CORIN: variants seen among roughly 807,000 people sequenced by gnomAD.
The protein encoded by CORIN is corin, serine peptidase, also known as atrial natriuretic peptide-converting enzyme.
In CORIN, 117 loss-of-function variants were observed where a neutral mutation model predicts 125.3. That is an observed-to-expected ratio of 0.93 (90% CI 0.80 to 1.09). The LOEUF (loss-of-function observed/expected upper bound fraction) is 1.09. Ranked by LOEUF, CORIN falls within the 50% of genes least tolerant of loss-of-function variation. CORIN has a pLI of 0.00. For missense variants in CORIN, 1,253 were observed against 1,306.7 expected (o/e 0.96, Z 0.63); for synonymous variants, 450 against 466.4 (o/e 0.96, Z 0.45).
intron 12 of CORIN, among the ~76,000 whole-genome samples, chr4:47,660,933 C>A (rs1214319465): frequency 6.6e-6 from 1 of 152,126 alleles, no homozygotes; most frequent in African/African-American, 2.4e-5. Context: ...ACCTAAGTGT[C>A]CATCAAAAGA....
At chr4:47,634,036 C>T (rs1046621674) in intron 16 of CORIN, among the ~76,000 whole-genome samples, 1 of 152,048 alleles carries the variant, frequency 6.6e-6, no homozygotes, top group East Asian at 1.9e-4. Context: ...AAAAAATCGG[C>T]ATTTTAAAAA....
intron 1 of CORIN, among the ~76,000 whole-genome samples, chr4:47,820,824 AT>A (rs1732477174): frequency 6.6e-6 from 1 of 152,156 alleles, no homozygotes; most frequent in African/African-American, 2.4e-5. Context: ...AATAGAGTCA[AT>A]TGTTACACAA....
chr4:47,697,185 T>A (rs151177534), intron 5 of CORIN, among the ~76,000 whole-genome samples: 1 of 152,172 alleles, frequency 6.6e-6, no homozygotes, highest in African/African-American at 2.4e-5. Context: ...GATACAAGAA[T>A]ACTTCTTGGG....
At chr4:47,621,983 A>G (rs13114208) in intron 19 of CORIN, among the ~76,000 whole-genome samples, 31,324 of 130,294 alleles carry the variant, frequency 0.24, 3,911 homozygotes, top group Admixed American at 0.31. Context: ...ATATCTCCCA[A>G]TGCTATCCCT....
chr4:47,803,837 A>G (rs898288214), intron 2 of CORIN, among the ~76,000 whole-genome samples: 1 of 152,244 alleles, frequency 6.6e-6, no homozygotes, highest in Non-Finnish European at 1.5e-5. Flanking sequence ...AGGCAACCAA[A>G]GCAAAAATGA....
chr4:47,806,808 C>G lies in CORIN; in HGVS notation c.208+95G>C, dbSNP rs1731814148. The G allele has an allele frequency of 3.8e-6, 5 of 1,309,774 alleles. No individual in the cohort carries two copies. In the African/African-American group the frequency reaches 4.5e-5, roughly 12 times the overall value. 81.1% of individuals were successfully genotyped at this position (1,309,774 alleles called of 1,614,324 possible). On this transcript the variant is annotated intron_variant, in intron 2 of 21. Coordinates refer to ENST00000273857, the MANE Select transcript of CORIN (RefSeq NM_006587.4). ...AAGATAATCCTCTCATTGACTGACA[C>G]TTTGGGTTAAATAAGTACTAAGTAG...
rs558355142 is a variant in CORIN at position 47,787,366 on chromosome 4, T to C, written c.209-441A>G. 5.3e-5 allele frequency among the ~76,000 whole-genome samples: 8 copies of C among 152,328 alleles called. No homozygotes were observed. In the South Asian group the frequency reaches 1.7e-3, roughly 32 times the overall value. On this transcript the variant is annotated intron_variant, in intron 2 of 21. Coordinates refer to ENST00000273857, the MANE Select transcript of CORIN (RefSeq NM_006587.4). ...ACCCAGGACATGTGCTCTACCTCTC[T>C]CTGTATCTGTCATCAAAGGACACAA...
intron 19 of CORIN, among the ~76,000 whole-genome samples, chr4:47,609,865 C>T (rs1348985165): frequency 1.3e-5 from 2 of 152,220 alleles, no homozygotes; most frequent in Non-Finnish European, 2.9e-5. Flanking sequence ...ATTTGATTTT[C>T]TGTTCCTGTG....
intron 4 of CORIN, among the ~76,000 whole-genome samples, chr4:47,758,808 A>G (rs910341267): frequency 6.6e-6 from 1 of 152,224 alleles, no homozygotes; most frequent in Non-Finnish European, 1.5e-5. Context: ...TCCTGCCATC[A>G]TGTGAAGAAG....
At chr4:47,702,669 T>C (rs1726357833) in intron 5 of CORIN, among the ~76,000 whole-genome samples, 2 of 152,176 alleles carry the variant, frequency 1.3e-5, no homozygotes, top group Admixed American at 1.3e-4. Context: ...ATTTAAAAGC[T>C]AAAATAAATT....
intron 5 of CORIN, among the ~76,000 whole-genome samples, chr4:47,699,019 T>A (rs966859229): frequency 2.6e-5 from 4 of 152,202 alleles, no homozygotes; most frequent in Non-Finnish European, 4.4e-5. Flanking sequence ...CACTCTGATG[T>A]TTGCACATGA....
In CORIN at chr4:47,692,954, A is replaced by G; in HGVS notation, c.913+16T>C. Reference sequence around the variant, plus strand: ...CCCTGTCCACTCAGACAAACCCTAAACAGCTTGTCACATACTGCAATGAGC... The same window carrying G: ...CCCTGTCCACTCAGACAAACCCTAAGCAGCTTGTCACATACTGCAATGAGC... On this transcript the variant is annotated intron_variant, in intron 6 of 21. Transcript: ENST00000273857. 1 of 1,586,094 alleles carries G rather than the reference A, an allele frequency of 6.3e-7. No homozygotes were observed. Among genetic ancestry groups the G allele is most frequent in the South Asian group, 1.1e-5 (1 of 90,440 alleles).
chr4:47,731,800 C>T (rs775422037), intron 5 of CORIN, among the ~76,000 whole-genome samples: 1 of 151,400 alleles, frequency 6.6e-6, no homozygotes, highest in South Asian at 2.1e-4. Flanking sequence ...ACCCAGGAGG[C>T]GGAGGTTGCA....
intron 6 of CORIN, among the ~76,000 whole-genome samples, chr4:47,686,412 A>G (rs1365124123): frequency 2.6e-5 from 4 of 152,172 alleles, no homozygotes; most frequent in Admixed American, 2.0e-4. Flanking sequence ...AAGGGAAAAT[A>G]TAAGAACTAA....
chr4:47,736,911 G>A (rs1173063170), intron 5 of CORIN, among the ~76,000 whole-genome samples: 2 of 152,246 alleles, frequency 1.3e-5, no homozygotes, highest in African/African-American at 4.8e-5. Flanking sequence ...GGCCAGGTGA[G>A]CAGTGAAAGG....
chr4:47,715,606 A>G (rs925660584), intron 5 of CORIN, among the ~76,000 whole-genome samples: 2 of 152,186 alleles, frequency 1.3e-5, no homozygotes, highest in Admixed American at 1.3e-4. Context: ...CTCCAAAAAA[A>G]AAGGGGGGGA....
intron 2 of CORIN, among the ~76,000 whole-genome samples, chr4:47,789,012 A>G (rs1354541032): frequency 6.6e-6 from 1 of 152,188 alleles, no homozygotes; most frequent in Non-Finnish European, 1.5e-5. Context: ...TAAAGTGTTC[A>G]TAACATCTGG....
intron 5 of CORIN, among the ~76,000 whole-genome samples, chr4:47,731,456 A>G (rs1245963772): frequency 1.3e-5 from 2 of 152,204 alleles, no homozygotes; most frequent in African/African-American, 4.8e-5. Context: ...GAGGCACTCC[A>G]GTGTCTACAG....
At chr4:47,718,119 C>T (rs920092417) in intron 5 of CORIN, among the ~76,000 whole-genome samples, 6 of 152,310 alleles carry the variant, frequency 3.9e-5, no homozygotes, top group Middle Eastern at 3.4e-3. Flanking sequence ...AATGGACACA[C>T]AACATTAGCA....
Sources: allele counts gnomAD v4.1 joint callset (sites outside exome capture counted in the v4.1 genomes callset), GRCh38; gene constraint gnomAD v4.1.1; transcripts MANE v1.5; gene names NCBI Gene and HGNC (gene_info 2026-07-23, HGNC 2026-07-21).